DIP2B: variants seen among roughly 807,000 people sequenced by gnomAD.
The protein encoded by DIP2B is disco-interacting protein 2 homolog B.
DIP2B carries 76 observed loss-of-function variants against 198.0 expected under a neutral mutation model. The observed-to-expected ratio is 0.38, with a 90% CI of 0.32 to 0.46. DIP2B has a LOEUF of 0.46. Ranked by LOEUF, DIP2B falls within the 20% of genes least tolerant of loss-of-function variation. The pLI is 0.99. For missense variants in DIP2B, 1,559 were observed against 1,978.4 expected (o/e 0.79, Z 4.02); for synonymous variants, 701 against 739.1 (o/e 0.95, Z 0.84).
chr12:50,523,759 A>G (rs1054210736), intron 1 of DIP2B, among the ~76,000 whole-genome samples: 2 of 152,214 alleles, frequency 1.3e-5, no homozygotes, highest in Non-Finnish European at 2.9e-5. Flanking sequence ...TAGGAAAACA[A>G]TTACGTGTGA....
chr12:50,713,999 G>A (rs1320332631), intron 22 of DIP2B, among the ~76,000 whole-genome samples: 1 of 152,252 alleles, frequency 6.6e-6, no homozygotes. Flanking sequence ...CTTCTTGGGA[G>A]GTTGAGGCAG....
At chr12:50,557,943 T>C (rs564173727) in intron 1 of DIP2B, among the ~76,000 whole-genome samples, 1 of 152,196 alleles carries the variant, frequency 6.6e-6, no homozygotes, top group South Asian at 2.1e-4. Flanking sequence ...GCCCAGGAGT[T>C]TGAGATTAGC....
At chr12:50,647,659 C>T (rs566431632) in intron 3 of DIP2B, among the ~76,000 whole-genome samples, 4 of 152,256 alleles carry the variant, frequency 2.6e-5, no homozygotes, top group South Asian at 2.1e-4. Context: ...TGACTCAACC[C>T]ACCTACACAT....
At chr12:50,553,624 G>A (rs1565822321) in intron 1 of DIP2B, among the ~76,000 whole-genome samples, 2 of 152,048 alleles carry the variant, frequency 1.3e-5, no homozygotes, top group South Asian at 4.2e-4. Flanking sequence ...CCCTAAAAGA[G>A]GACTTTTGGT....
chr12:50,606,183 T>C (rs187701520), intron 1 of DIP2B, among the ~76,000 whole-genome samples: 1 of 152,136 alleles, frequency 6.6e-6, no homozygotes, highest in East Asian at 1.9e-4. Context: ...TACAGTGATA[T>C]CATCATAGCT....
intron 12 of DIP2B, among the ~76,000 whole-genome samples, 158 bp from the exon 13 acceptor site, chr12:50,690,891 G>A (rs966182888): frequency 6.6e-6 from 1 of 152,122 alleles, no homozygotes; most frequent in Non-Finnish European, 1.5e-5. Context: ...TGTGATTTGA[G>A]TTTGAGACCC....
intron 9 of DIP2B, among the ~76,000 whole-genome samples, chr12:50,682,472 A>G (rs926473591): frequency 2.4e-4 from 36 of 151,898 alleles, no homozygotes; most frequent in Admixed American, 1.2e-3. Flanking sequence ...TACTAAAAAT[A>G]TTAAAAATTA....
chr12:50,525,250 T>G (rs1958152311), intron 1 of DIP2B, among the ~76,000 whole-genome samples: 2 of 150,684 alleles, frequency 1.3e-5, no homozygotes, highest in African/African-American at 4.9e-5. Context: ...CCCAGCTACT[T>G]GGAAGGCTGA....
At chr12:50,701,796 G>A (rs912383822) in intron 19 of DIP2B, among the ~76,000 whole-genome samples, 24 of 152,190 alleles carry the variant, frequency 1.6e-4, no homozygotes, top group African/African-American at 4.8e-4. Context: ...ACTCCCATGT[G>A]CTAGCTATTT....
rs58612726 is a variant in DIP2B at position 50,610,805 on chromosome 12, C to CTT, written c.101-15157_101-15156dup. Among the ~76,000 whole-genome samples, 117 of 138,450 alleles carry CTT rather than the reference C, an allele frequency of 8.5e-4. 1 individual carries two copies. Among genetic ancestry groups the CTT allele is most frequent in the East Asian group, 8.6e-4 (4 of 4,662 alleles). The allele number at this position is 138,450 out of a possible 152,430, so 90.8% of individuals were successfully genotyped here. On this transcript the variant is annotated intron_variant, in intron 1 of 37. Transcript: ENST00000301180. Reference sequence around the variant, plus strand: ...ACAGGCATGAGCCACTGTGCCCAACCTTTTTTTTTTTTTTTGAGATGGAGG... The same window carrying CTT: ...ACAGGCATGAGCCACTGTGCCCAACCTTTTTTTTTTTTTTTTTGAGATGGAGG...
chr12:50,580,931 G>A (rs1272913931), intron 1 of DIP2B, among the ~76,000 whole-genome samples: 2 of 149,202 alleles, frequency 1.3e-5, no homozygotes, highest in African/African-American at 4.9e-5. Context: ...TTGAAGGACC[G>A]ACCCGGCTTT....
At chr12:50,680,531 G>A (rs1324962770) in intron 8 of DIP2B, 141 bp from the exon 9 acceptor site, 2 of 690,684 alleles carry the variant, frequency 2.9e-6, no homozygotes, top group South Asian at 2.0e-5. Flanking sequence ...TGTGTGTTGG[G>A]GGTGAATGAC....
chr12:50,543,962 G>C (rs1958352056), intron 1 of DIP2B, among the ~76,000 whole-genome samples: 1 of 148,620 alleles, frequency 6.7e-6, no homozygotes, highest in African/African-American at 2.5e-5. Flanking sequence ...GGGCATGGTG[G>C]CTCACGCTTG....
At chr12:50,688,775 G>T (rs778114188) in intron 12 of DIP2B, among the ~76,000 whole-genome samples, 1 of 152,160 alleles carries the variant, frequency 6.6e-6, no homozygotes, top group Non-Finnish European at 1.5e-5. Context: ...TCCAGTCCTG[G>T]CTTCTTGGAC....
At chr12:50,608,310 C>T (rs1356834367) in intron 1 of DIP2B, among the ~76,000 whole-genome samples, 3 of 152,100 alleles carry the variant, frequency 2.0e-5, no homozygotes, top group African/African-American at 4.8e-5. Context: ...TGAAAACTTA[C>T]GTGGAAACAG....
intron 1 of DIP2B, among the ~76,000 whole-genome samples, chr12:50,575,593 G>A (rs113343594): frequency 1.1e-4 from 16 of 152,132 alleles, no homozygotes; most frequent in Non-Finnish European, 1.6e-4. Flanking sequence ...TGCTGTTTTC[G>A]CCCAGGCTAG....
At chr12:50,696,756 A>C (rs959454628) in intron 16 of DIP2B, among the ~76,000 whole-genome samples, 1 of 152,146 alleles carries the variant, frequency 6.6e-6, no homozygotes, top group Admixed American at 6.5e-5. Flanking sequence ...TAAATTATAA[A>C]CTGGCTGCAT....
At chr12:50,742,394 C>CAAAAAAAAAAAAAAAAAAAAAAAA (rs59566626) in intron 37 of DIP2B, among the ~76,000 whole-genome samples, 3 of 47,492 alleles carry the variant, frequency 6.3e-5, no homozygotes, top group Admixed American at 3.2e-4. Flanking sequence ...GAGACTGTCT[C>CAAAAAAAAAAAAAAAAAAAAAAAA]AAAAAAAAAA....
intron 2 of DIP2B, among the ~76,000 whole-genome samples, chr12:50,639,058 C>G (rs1340814070): frequency 6.6e-6 from 1 of 150,732 alleles, no homozygotes; most frequent in African/African-American, 2.4e-5. Flanking sequence ...ACTGCCCTTG[C>G]AAGTGAGCCA....
Sources: gnomAD v4.1 joint callset for allele counts (sites outside exome capture counted in the v4.1 genomes callset) on GRCh38, gnomAD v4.1.1 for gene constraint, MANE v1.5 for transcripts, NCBI Gene and HGNC (gene_info 2026-07-23, HGNC 2026-07-21) for gene names.